Variants in PCDH17 observed in about 807,000 individuals in gnomAD.
PCDH17 encodes the protein protocadherin-17.
A neutral mutation model predicts 67.7 loss-of-function variants in PCDH17; 21 were observed. The observed-to-expected ratio is 0.31, with a 90% CI of 0.22 to 0.45. PCDH17 has a LOEUF of 0.45. Ranked by LOEUF, PCDH17 falls within the 20% of genes least tolerant of loss-of-function variation. PCDH17 has a pLI of 1.00. For missense variants in PCDH17, 1,471 were observed against 1,564.8 expected, an observed-to-expected ratio of 0.94 and a Z score of 1.01; for synonymous variants, 701 against 656.7, an observed-to-expected ratio of 1.07 and a Z score of -1.03.
chr13:57,686,928 A>G (rs1308999947), intron 3 of PCDH17, among the ~76,000 whole-genome samples: 1 of 151,986 alleles, frequency 6.6e-6, no homozygotes, highest in Non-Finnish European at 1.5e-5. Context: ...TCTTTTTGTT[A>G]TGACTATTGT....
At chr13:57,685,784 A>G (rs769612357) in intron 3 of PCDH17, among the ~76,000 whole-genome samples, 1 of 151,918 alleles carries the variant, frequency 6.6e-6, no homozygotes, top group Non-Finnish European at 1.5e-5. Flanking sequence ...TAAGGAAATC[A>G]CAGTAAAGTA....
At chr13:57,666,122 A>C (rs1955250382) in intron 1 of PCDH17, among the ~76,000 whole-genome samples, 1 of 152,170 alleles carries the variant, frequency 6.6e-6, no homozygotes, top group African/African-American at 2.4e-5. Context: ...CACACTTTTA[A>C]TATGGAGAAA....
Position 57,634,524 on chromosome 13 carries a change from G to T in PCDH17, c.1978G>T (p.Glu660Ter). ...PFWEDVTPVV[E>*]LVVKVTDHGK... ...CTGGGAGGACGTGACGCCCGTGGTGGAGCTGGTGGTGAAGGTGACCGACCA... is the reference window on the plus strand; with the variant it reads ...CTGGGAGGACGTGACGCCCGTGGTGTAGCTGGTGGTGAAGGTGACCGACCA... Residue 660 changes from glutamate to a stop codon, truncating the protein, a stop_gained, in exon 1 of 4, where the codon GAG (glutamate) becomes TAG (stop). Transcript: ENST00000377918. LOFTEE classifies it high-confidence loss of function. This position sits in a 1 kb window ranked among gnomAD's most constrained non-coding sequence, Gnocchi z 7.8. 6.2e-7 allele frequency: 1 copy of T among 1,613,012 alleles called. No individual in the cohort carries two copies. Among genetic ancestry groups the T allele is most frequent in the Non-Finnish European group, 8.5e-7 (1 of 1,180,000 alleles).
intron 3 of PCDH17, among the ~76,000 whole-genome samples, chr13:57,715,819 A>G (rs977072221): frequency 1.3e-5 from 2 of 151,888 alleles, no homozygotes; most frequent in East Asian, 1.9e-4. Flanking sequence ...TATTTCAAAT[A>G]CTTTACCATA....
At chr13:57,723,778 A>G (rs965173497) in intron 3 of PCDH17, among the ~76,000 whole-genome samples, 2 of 152,178 alleles carry the variant, frequency 1.3e-5, no homozygotes, top group African/African-American at 4.8e-5. Flanking sequence ...CACATTCAGC[A>G]TCTGTGAAAT....
At chr13:57,702,138 G>A (rs913898396) in intron 3 of PCDH17, among the ~76,000 whole-genome samples, 2 of 151,924 alleles carry the variant, frequency 1.3e-5, no homozygotes, top group Admixed American at 6.6e-5. Flanking sequence ...GGATGGTCTC[G>A]AGCTCCTGAC....
chr13:57,636,697 G>A (rs1446539266), intron 1 of PCDH17, among the ~76,000 whole-genome samples: 1 of 151,970 alleles, frequency 6.6e-6, no homozygotes, highest in Non-Finnish European at 1.5e-5. Flanking sequence ...TGTAAAACTG[G>A]TATTTATGAT....
chr13:57,691,838 C>T (rs962024115), intron 3 of PCDH17, among the ~76,000 whole-genome samples: 10 of 150,862 alleles, frequency 6.6e-5, no homozygotes, highest in Non-Finnish European at 1.5e-4. Flanking sequence ...TTTGCCTTTG[C>T]CTAATTAATA....
intron 3 of PCDH17, among the ~76,000 whole-genome samples, chr13:57,687,818 C>T (rs1955521859): frequency 6.6e-6 from 1 of 152,038 alleles, no homozygotes; most frequent in Admixed American, 6.6e-5. Flanking sequence ...TCCTCTTGTT[C>T]CCCTCTGTCA....
intron 1 of PCDH17, among the ~76,000 whole-genome samples, chr13:57,663,669 T>C (rs1955212767): frequency 6.6e-6 from 1 of 152,216 alleles, no homozygotes; most frequent in African/African-American, 2.4e-5. Context: ...CTCTCATTCC[T>C]ATCTACTTTA....
Position 57,635,074 on chromosome 13 carries a change from C to G in PCDH17, c.2528C>G (p.Ala843Gly), listed in dbSNP as rs1199271615. ...AGCTTCACCGGACAAGGGACTAATGCAAGCGAGACCCCTGCCACTCGGATG... is the reference window on the plus strand; with the variant it reads ...AGCTTCACCGGACAAGGGACTAATGGAAGCGAGACCCCTGCCACTCGGATG... The part of the protein sequence containing the change: ...HTSFTGQGTN[A>G]SETPATRMSI... Residue 843 changes from alanine (A) to glycine (G), a missense_variant, in exon 1 of 4, where the codon GCA becomes GGA. Around this residue, in one of 3 missense-constraint regions of PCDH17, gnomAD observed 1,163 missense variants for 1,230.0 expected, o/e 0.95. Transcript: ENST00000377918. 2 of 1,613,516 alleles carry G rather than the reference C, an allele frequency of 1.2e-6. No homozygotes were observed. The highest frequency in any genetic ancestry group is 3.3e-5 in the Admixed American group (2 of 59,984).
intron 3 of PCDH17, among the ~76,000 whole-genome samples, chr13:57,708,859 G>T (rs1955746824): frequency 6.6e-6 from 1 of 151,820 alleles, no homozygotes; most frequent in East Asian, 1.9e-4. Flanking sequence ...GGCAGCAATT[G>T]ATTTCTCATA....
intron 3 of PCDH17, among the ~76,000 whole-genome samples, chr13:57,706,120 T>G (rs1371630057): frequency 6.6e-6 from 1 of 151,786 alleles, no homozygotes; most frequent in Non-Finnish European, 1.5e-5. Context: ...AACACAAAAC[T>G]GAAAAAAAAG....
At chr13:57,653,241 G>A (rs1009319142) in intron 1 of PCDH17, among the ~76,000 whole-genome samples, 2 of 151,916 alleles carry the variant, frequency 1.3e-5, no homozygotes, top group African/African-American at 2.4e-5. Flanking sequence ...AGTCAAAATG[G>A]TCCAGTAGAT....
At chr13:57,677,763 A>C (rs192390001) in intron 3 of PCDH17, among the ~76,000 whole-genome samples, 219 of 151,974 alleles carry the variant, frequency 1.4e-3, no homozygotes, top group African/African-American at 5.1e-3. Flanking sequence ...AAGATGTTAA[A>C]AGATAAGAGA....
At chr13:57,687,106 C>T (rs1835959910) in intron 3 of PCDH17, among the ~76,000 whole-genome samples, 2 of 152,048 alleles carry the variant, frequency 1.3e-5, no homozygotes, top group Admixed American at 1.3e-4. Flanking sequence ...AAAAATGGCA[C>T]ATCGTGCAAT....
At chr13:57,675,151 G>T (rs542927742) in intron 3 of PCDH17, among the ~76,000 whole-genome samples, 1 of 151,980 alleles carries the variant, frequency 6.6e-6, no homozygotes, top group African/African-American at 2.4e-5. Context: ...CTTGATTCTT[G>T]ATCCTTTAAC....
At chr13:57,672,365 G>A (rs908405344) in intron 3 of PCDH17, among the ~76,000 whole-genome samples, 4 of 151,906 alleles carry the variant, frequency 2.6e-5, no homozygotes, top group Non-Finnish European at 4.4e-5. Flanking sequence ...ATGTAATTTC[G>A]CAGTTGCCTA....
chr13:57,691,972 A>T (rs1362802362), intron 3 of PCDH17, among the ~76,000 whole-genome samples: 1 of 151,256 alleles, frequency 6.6e-6, no homozygotes, highest in Non-Finnish European at 1.5e-5. Context: ...ATTAAATTTT[A>T]ATACAAGTAA....
Sources: gnomAD v4.1 joint callset for allele counts (sites outside exome capture counted in the v4.1 genomes callset) on GRCh38, gnomAD v4.1.1 for gene constraint, gnomAD v4.1.1 regional missense constraint, Gnocchi (gnomAD v3.1) non-coding constraint, MANE v1.5 for transcripts, NCBI Gene and HGNC (gene_info 2026-07-23, HGNC 2026-07-21) for gene names.